The following RUFY1 variants were observed in gnomAD, a reference collection of about 807,000 sequenced individuals.
RUFY1 encodes the protein RUN and FYVE domain containing 1.
Under a neutral mutation model 94.6 loss-of-function variants are expected in RUFY1, and 54 were observed. That is an observed-to-expected ratio of 0.57 (90% CI 0.46 to 0.72). The LOEUF (loss-of-function observed/expected upper bound fraction) is 0.72. Among genes scored for constraint, RUFY1 ranks in the 30% least tolerant of loss-of-function variants. The probability of loss-of-function intolerance (pLI) is 0.00; values close to 1 mark genes in which losing one functional copy is unlikely to be tolerated. For synonymous variants in RUFY1, 396 were observed against 347.3 expected, an observed-to-expected ratio of 1.14 and a Z score of -1.56; for missense variants, 883 against 883.9, an observed-to-expected ratio of 1.00 and a Z score of 0.01.
chr5:179,588,387 A>G (rs1764778509), intron 8 of RUFY1, among the ~76,000 whole-genome samples: 1 of 152,124 alleles, frequency 6.6e-6, no homozygotes, highest in Admixed American at 6.5e-5. Flanking sequence ...TGAGGCTGGA[A>G]TGAGGAGGGA....
At chr5:179,609,278 T>C (rs1767468758) in intron 17 of RUFY1, 98 bp from the exon 18 acceptor site, 7 of 1,264,672 alleles carry the variant, frequency 5.5e-6, no homozygotes, top group Admixed American at 2.0e-5. Flanking sequence ...TAAGAACCCA[T>C]TCCCAGCAAA....
At chr5:179,600,271 A>T (rs1237058335) in intron 14 of RUFY1, among the ~76,000 whole-genome samples, 1 of 152,158 alleles carries the variant, frequency 6.6e-6, no homozygotes, top group Non-Finnish European at 1.5e-5. Context: ...CCCGAGCTCC[A>T]CCGCTGCTCC....
In RUFY1 at chr5:179,583,160, G is replaced by A. The variant is rs573726976; in HGVS notation, c.956+2148G>A. Among the ~76,000 whole-genome samples, 96 of 151,534 alleles carry A rather than the reference G, an allele frequency of 6.3e-4. 2 individuals carry two copies. The East Asian group carries it at 0.018, about 29-fold the overall frequency. Reference sequence around the variant, plus strand: ...TCTACTAAAAATACAAAAATTAACCGGCATGGTGGCGGGCATCTGTAGTCC... The same window carrying A: ...TCTACTAAAAATACAAAAATTAACCAGCATGGTGGCGGGCATCTGTAGTCC... On this transcript the variant is annotated intron_variant, in intron 7 of 17. Transcript: ENST00000319449.
chr5:179,575,183 A>C (rs1763526764), intron 5 of RUFY1, among the ~76,000 whole-genome samples: 3 of 152,050 alleles, frequency 2.0e-5, no homozygotes, highest in Admixed American at 6.6e-5. Context: ...GTCTTCTATT[A>C]CTGTGTAACA....
At chr5:179,598,652 C>G (rs374746425) in intron 13 of RUFY1, 40 bp from the exon 14 acceptor site, 1 of 1,612,038 alleles carries the variant, frequency 6.2e-7, no homozygotes, top group Non-Finnish European at 8.5e-7. Context: ...CCGTGAAAGT[C>G]TCCCACTGAG....
At chr5:179,603,356 G>A (rs1417147455) in intron 15 of RUFY1, among the ~76,000 whole-genome samples, 8 of 151,506 alleles carry the variant, frequency 5.3e-5, no homozygotes, top group Non-Finnish European at 5.9e-5. Flanking sequence ...CTGGCCACTC[G>A]CCGTCTCTCC....
At chr5:179,575,091 G>A (rs56198018) in intron 5 of RUFY1, among the ~76,000 whole-genome samples, 50,036 of 145,724 alleles carry the variant, frequency 0.34, 8,758 homozygotes, top group Non-Finnish European at 0.39. Context: ...AAAGATTCTG[G>A]GGAAAATTTT....
intron 12 of RUFY1, among the ~76,000 whole-genome samples, chr5:179,595,496 C>G (rs1765542259): frequency 6.6e-6 from 1 of 152,042 alleles, no homozygotes; most frequent in African/African-American, 2.4e-5. Context: ...CACAATCCCA[C>G]CACACATCTG....
chr5:179,569,098 C>T (rs1763037162), intron 4 of RUFY1: 1 of 981,718 alleles, frequency 1.0e-6, no homozygotes, highest in Non-Finnish European at 1.2e-6. Context: ...GAGAGGCGAG[C>T]CCATTCTAAG....
chr5:179,567,482 AGC>A lies in RUFY1; in HGVS notation c.626_627del (p.Ala209ValfsTer22). On this transcript the variant is annotated frameshift_variant, in exon 4 of 18. Coordinates refer to ENST00000319449, the MANE Select transcript of RUFY1 (RefSeq NM_025158.5). LOFTEE classifies it high-confidence loss of function. ...ELKTAVGRGR[A>X]WLYLALMQKK... Reference sequence around the variant, plus strand: ...CTAGGACAGCTGTGGGAAGAGGCCGAGCGTGGCTTTATCTTGCACTCATGCAA... The same window carrying A: ...CTAGGACAGCTGTGGGAAGAGGCCGAGTGGCTTTATCTTGCACTCATGCAA... 1 of 1,614,002 alleles carries A rather than the reference AGC, an allele frequency of 6.2e-7. No homozygotes were observed. Among genetic ancestry groups the A allele is most frequent in the Non-Finnish European group, 8.5e-7 (1 of 1,179,848 alleles).
At chr5:179,571,466 T>C (rs977013971) in intron 5 of RUFY1, among the ~76,000 whole-genome samples, 1 of 151,106 alleles carries the variant, frequency 6.6e-6, no homozygotes, top group Non-Finnish European at 1.5e-5. Flanking sequence ...GCCACTGCAT[T>C]GCACTCCAGT....
intron 6 of RUFY1, among the ~76,000 whole-genome samples, chr5:179,579,657 C>CTTTTTCTTTTTTTTTTTTTTTTTTTT (rs1554118792): frequency 2.6e-4 from 13 of 50,560 alleles, no homozygotes; most frequent in South Asian, 1.4e-3. Context: ...TTTTCTTCTT[C>CTTTTTCTTTTTTTTTTTTTTTTTTTT]TTTTTTTTTT....
chr5:179,591,386 A>C (rs185148167), intron 9 of RUFY1, among the ~76,000 whole-genome samples: 1 of 149,400 alleles, frequency 6.7e-6, no homozygotes, highest in Non-Finnish European at 1.5e-5. Context: ...GGGTTTCACC[A>C]TGTTAGCCAG....
chr5:179,573,504 T>TTTG (rs202238851), intron 5 of RUFY1, among the ~76,000 whole-genome samples: 1 of 152,014 alleles, frequency 6.6e-6, no homozygotes, highest in Non-Finnish European at 1.5e-5. Context: ...TACCTTGTGT[T>TTTG]TTGTTGTTGT....
At chr5:179,564,360 T>C (rs1362011718) in intron 3 of RUFY1, among the ~76,000 whole-genome samples, 1 of 151,676 alleles carries the variant, frequency 6.6e-6, no homozygotes, top group African/African-American at 2.4e-5. Flanking sequence ...CCTCAGGTGA[T>C]CCATCTGCCT....
At chr5:179,566,784 AG>A (rs1490626573) in intron 3 of RUFY1, among the ~76,000 whole-genome samples, 1 of 151,920 alleles carries the variant, frequency 6.6e-6, no homozygotes, top group Non-Finnish European at 1.5e-5. Context: ...GGCCAGGTGC[AG>A]TGGCTCATGC....
In RUFY1 at chr5:179,552,164, C is replaced by CAAAAAAAAAA. The variant is rs563730431; in HGVS notation, c.310+1299_310+1308dup. Among the ~76,000 whole-genome samples, 53 of 73,448 alleles carry CAAAAAAAAAA rather than the reference C, an allele frequency of 7.2e-4. 2 individuals are homozygous for CAAAAAAAAAA. The highest frequency in any genetic ancestry group is 8.4e-4 in the Non-Finnish European group (36 of 42,928). 48.2% of individuals were successfully genotyped at this position (73,448 alleles called of 152,430 possible). A position where few individuals can be genotyped will look rare whatever the true frequency, so the allele number is the denominator to read the frequency against. Reference sequence around the variant, plus strand: ...TGGGTGACAGAGCGAGACTCTGTCTCAAAAAAAAAAAAAAAAAAAAAAACT... The same window carrying CAAAAAAAAAA: ...TGGGTGACAGAGCGAGACTCTGTCTCAAAAAAAAAAAAAAAAAAAAAAAAAAAAAAAAACT... On this transcript the variant is annotated intron_variant, in intron 1 of 17. Coordinates refer to ENST00000319449, the MANE Select transcript of RUFY1 (RefSeq NM_025158.5).
At chr5:179,608,546 A>G (rs747026935) in intron 17 of RUFY1, 1 of 984,494 alleles carries the variant, frequency 1.0e-6, no homozygotes, top group Non-Finnish European at 1.2e-6. Context: ...AATGCAGCAA[A>G]GAGAACGAAC....
intron 2 of RUFY1, among the ~76,000 whole-genome samples, chr5:179,561,337 G>GAGGGGAGGACATGAGGTC (rs1762439591): frequency 1.3e-5 from 2 of 152,084 alleles, no homozygotes; most frequent in Admixed American, 6.6e-5. Context: ...TGAGGGAGAG[G>GAGGGGAGGACATGAGGTC]AGGGGAGGAC....
Sources: allele counts gnomAD v4.1 joint callset (sites outside exome capture counted in the v4.1 genomes callset), GRCh38; gene constraint gnomAD v4.1.1; transcripts MANE v1.5; gene names NCBI Gene and HGNC (gene_info 2026-07-23, HGNC 2026-07-21).